The following THADA variants were observed in gnomAD, a reference collection of about 807,000 sequenced individuals.
The protein encoded by THADA is THADA armadillo repeat containing, also known as tRNA (32-2'-O)-methyltransferase regulator THADA.
THADA carries 213 observed loss-of-function variants against 219.8 expected under a neutral mutation model. That is an observed-to-expected ratio of 0.97 (90% CI 0.87 to 1.09). The LOEUF (loss-of-function observed/expected upper bound fraction) is 1.09, where lower values mean the gene tolerates loss of function less well. THADA is among the 50% of genes least tolerant of loss of function. THADA has a pLI of 0.00. For missense variants in THADA, 2,956 were observed against 2,311.3 expected, an observed-to-expected ratio of 1.28 and a Z score of -5.72; for synonymous variants, 1,018 against 828.9, an observed-to-expected ratio of 1.23 and a Z score of -3.92.
intron 14 of THADA, among the ~76,000 whole-genome samples, chr2:43,567,151 A>G (rs1399767494): frequency 6.6e-6 from 1 of 151,912 alleles, no homozygotes; most frequent in Non-Finnish European, 1.5e-5. Context: ...TGACTCTACC[A>G]AAGATCCCTG....
At chr2:43,356,806 C>T (rs1345974779) in intron 29 of THADA, among the ~76,000 whole-genome samples, 4 of 152,266 alleles carry the variant, frequency 2.6e-5, no homozygotes, top group Non-Finnish European at 5.9e-5. Flanking sequence ...TCTTAAATAA[C>T]CACAATTACT....
rs375736457 is a variant in THADA at position 43,269,273 on chromosome 2, T to C, written c.5296+10492A>G. On this transcript the variant is annotated intron_variant, in intron 36 of 37. Transcript: ENST00000405975. Reference sequence around the variant, plus strand: ...GGGTCAGTCGCCTTGGCCAGAGAGCTCGGCTTTCAGAAGCAGCAAGAGTCA... The same window carrying C: ...GGGTCAGTCGCCTTGGCCAGAGAGCCCGGCTTTCAGAAGCAGCAAGAGTCA... Among the ~76,000 whole-genome samples, 10 of 152,264 alleles carry C rather than the reference T, an allele frequency of 6.6e-5. No homozygotes were observed. In the East Asian group the frequency reaches 1.9e-3, roughly 29 times the overall value.
At chr2:43,273,723 T>C (rs1672400458) in intron 36 of THADA, among the ~76,000 whole-genome samples, 1 of 152,186 alleles carries the variant, frequency 6.6e-6, no homozygotes, top group Non-Finnish European at 1.5e-5. Flanking sequence ...CTTTGCTGAC[T>C]GAGCTGTCTC....
At chr2:43,580,049 G>T (rs1003486542) in intron 8 of THADA, among the ~76,000 whole-genome samples, 2 of 137,230 alleles carry the variant, frequency 1.5e-5, no homozygotes, top group African/African-American at 5.7e-5. Flanking sequence ...TTTTTGAGAC[G>T]GAGGCTTGCT....
chr2:43,459,821 G>GT (rs1683416393), intron 26 of THADA, among the ~76,000 whole-genome samples: 1 of 152,008 alleles, frequency 6.6e-6, no homozygotes, highest in Non-Finnish European at 1.5e-5. Flanking sequence ...CTGTAGACTT[G>GT]TTTTTTAAAA....
rs542548794 is a variant in THADA, at chr2:43,377,741, T to A, written c.4227+20230A>T. On this transcript the variant is annotated intron_variant, in intron 29 of 37. Coordinates refer to ENST00000405975, the MANE Select transcript of THADA (RefSeq NM_022065.5). Reference sequence around the variant, plus strand: ...TTACATAATGCTGGGTCTTGACCTATGAAATCTATAGAAAGGGCCCTAAAA... The same window carrying A: ...TTACATAATGCTGGGTCTTGACCTAAGAAATCTATAGAAAGGGCCCTAAAA... Among the ~76,000 whole-genome samples the A allele has an allele frequency of 1.1e-3, 170 of 152,242 alleles. 1 individual carries two copies. Among genetic ancestry groups the A allele is most frequent in the African/African-American group, 3.9e-3 (164 of 41,538 alleles).
intron 25 of THADA, among the ~76,000 whole-genome samples, chr2:43,496,747 T>C (rs571390550): frequency 6.6e-6 from 1 of 152,136 alleles, no homozygotes; most frequent in East Asian, 1.9e-4. Context: ...ATGGTGCTGC[T>C]GCTGGGGAAG....
At chr2:43,301,176 G>A (rs1275750730) in intron 31 of THADA, among the ~76,000 whole-genome samples, 1 of 152,154 alleles carries the variant, frequency 6.6e-6, no homozygotes, top group Admixed American at 6.5e-5. Flanking sequence ...CACGCGGGTT[G>A]GCAGGGTTTA....
intron 26 of THADA, among the ~76,000 whole-genome samples, chr2:43,470,666 CAAGAAT>C (rs1684805617): frequency 1.3e-5 from 2 of 152,088 alleles, no homozygotes; most frequent in South Asian, 4.1e-4. Context: ...ATTTGAGTGA[CAAGAAT>C]AAGACTCTAA....
intron 28 of THADA, among the ~76,000 whole-genome samples, chr2:43,401,668 T>C (rs895103092): frequency 6.6e-6 from 1 of 152,210 alleles, no homozygotes; most frequent in African/African-American, 2.4e-5. Flanking sequence ...CTGTGATCTC[T>C]TTACTATGCA....
intron 36 of THADA, among the ~76,000 whole-genome samples, chr2:43,278,250 C>T (rs1282078498): frequency 6.6e-6 from 1 of 151,996 alleles, no homozygotes; most frequent in Non-Finnish European, 1.5e-5. Context: ...CTGCGCCTGG[C>T]CTAAAACAAG....
intron 36 of THADA, among the ~76,000 whole-genome samples, chr2:43,240,934 G>A (rs1031364213): frequency 2.0e-5 from 3 of 152,184 alleles, no homozygotes; most frequent in African/African-American, 7.2e-5. Context: ...CCAGGGCCGG[G>A]TGCAGCACCA....
At chr2:43,453,940 G>C (rs1049595957) in intron 26 of THADA, among the ~76,000 whole-genome samples, 5 of 152,122 alleles carry the variant, frequency 3.3e-5, no homozygotes, top group African/African-American at 9.7e-5. Flanking sequence ...TGTCACCCAG[G>C]CTGGAGTGCA....
intron 28 of THADA, among the ~76,000 whole-genome samples, chr2:43,422,462 T>C (rs1677837626): frequency 6.6e-6 from 1 of 152,082 alleles, no homozygotes; most frequent in Non-Finnish European, 1.5e-5. Context: ...GAGAATAATG[T>C]GGGTTTAGGC....
At chr2:43,471,082 A>G (rs1282343778) in intron 26 of THADA, among the ~76,000 whole-genome samples, 1 of 152,214 alleles carries the variant, frequency 6.6e-6, no homozygotes, top group Non-Finnish European at 1.5e-5. Context: ...ACTTGGACTC[A>G]GGTCTCTAAA....
chr2:43,426,053 G>C (rs765460838), intron 28 of THADA, among the ~76,000 whole-genome samples: 4 of 152,182 alleles, frequency 2.6e-5, no homozygotes, highest in Non-Finnish European at 5.9e-5. Context: ...TGGAAGAACA[G>C]ACTGATTGCA....
At chr2:43,422,828 T>G (rs10169319) in intron 28 of THADA, among the ~76,000 whole-genome samples, 10,549 of 152,010 alleles carry the variant, frequency 0.069, 1,076 homozygotes, top group African/African-American at 0.22. Context: ...CAAGCAATCC[T>G]CCCACCGCAG....
At chr2:43,400,474 T>TATATAG in intron 28 of THADA, among the ~76,000 whole-genome samples, 1 of 144,570 alleles carries the variant, frequency 6.9e-6, no homozygotes, top group South Asian at 2.2e-4. Flanking sequence ...TATATATATA[T>TATATAG]ATAAATATAT....
rs145903601 is a variant in THADA, at chr2:43,443,755, T to A, written c.3837-13453A>T. On this transcript the variant is annotated intron_variant, in intron 26 of 37. Transcript: ENST00000405975. Reference sequence around the variant, plus strand: ...CTTTAAATTCAGAACTGTCAGACTATGCAAAAGGTGAGTTATTCCCTCTCC... The same window carrying A: ...CTTTAAATTCAGAACTGTCAGACTAAGCAAAAGGTGAGTTATTCCCTCTCC... 2.4e-3 allele frequency among the ~76,000 whole-genome samples: 370 copies of A among 152,322 alleles called. 2 individuals are homozygous for A. The highest frequency in any genetic ancestry group is 8.8e-3 in the African/African-American group (365 of 41,564).
Sources: gnomAD v4.1 joint callset for allele counts (sites outside exome capture counted in the v4.1 genomes callset) on GRCh38, gnomAD v4.1.1 for gene constraint, MANE v1.5 for transcripts, NCBI Gene and HGNC (gene_info 2026-07-23, HGNC 2026-07-21) for gene names.